Variants in OR2L13 observed in about 807,000 individuals in gnomAD.
The protein encoded by OR2L13 is olfactory receptor family 2 subfamily L member 13, also known as olfactory receptor 2L13.
Under a neutral mutation model 15.3 loss-of-function variants are expected in OR2L13, and 14 were observed. That is an observed-to-expected ratio of 0.91 (90% CI 0.60 to 1.43). OR2L13 has a LOEUF of 1.43. Among genes scored for constraint, OR2L13 ranks in the 40% most tolerant of loss-of-function variants. The pLI, the probability that OR2L13 is intolerant of heterozygous loss-of-function variation, is 0.00. For synonymous variants in OR2L13, 152 were observed against 142.9 expected (o/e 1.06, Z -0.45); for missense variants, 367 against 387.9 (o/e 0.95, Z 0.45).
the OR2L13 span, among the ~76,000 whole-genome samples, chr1:248,046,370 A>T: frequency 6.6e-6 from 1 of 152,202 alleles, no homozygotes; most frequent in South Asian, 2.1e-4. Flanking sequence ...TCTTACTGCC[A>T]ATATAAACCA....
the OR2L13 span, among the ~76,000 whole-genome samples, chr1:248,071,178 G>A: frequency 1.3e-5 from 2 of 152,140 alleles, no homozygotes; most frequent in African/African-American, 2.4e-5. Flanking sequence ...AACCGAAAAA[G>A]AGAATTTTAG....
chr1:248,067,792 G>T, the OR2L13 span, among the ~76,000 whole-genome samples: 1 of 152,218 alleles, frequency 6.6e-6, no homozygotes, highest in Admixed American at 6.5e-5. Flanking sequence ...ACTCCCACCC[G>T]AATACTGCGC....
chr1:247,963,292 C>G, the OR2L13 span, among the ~76,000 whole-genome samples: 1 of 152,092 alleles, frequency 6.6e-6, no homozygotes, highest in African/African-American at 2.4e-5. Flanking sequence ...TATAGGGTAA[C>G]TTCTGGACTT....
the OR2L13 span, among the ~76,000 whole-genome samples, chr1:247,960,344 A>G: frequency 1.3e-5 from 2 of 152,032 alleles, no homozygotes; most frequent in African/African-American, 4.8e-5. Flanking sequence ...GTGTCAGTCC[A>G]CCCCTACTGG....
At chr1:248,077,197 T>G in the OR2L13 span, among the ~76,000 whole-genome samples, 14 of 152,342 alleles carry the variant, frequency 9.2e-5, no homozygotes, top group South Asian at 2.7e-3. Flanking sequence ...GAAGCCCACT[T>G]GATCATGGTG....
the OR2L13 span, among the ~76,000 whole-genome samples, chr1:247,937,874 A>G: frequency 6.6e-6 from 1 of 152,250 alleles, no homozygotes; most frequent in East Asian, 1.9e-4. Context: ...ATGAAGATAT[A>G]TATGAAACTT....
At chr1:248,021,417 C>T in the OR2L13 span, among the ~76,000 whole-genome samples, 4 of 152,092 alleles carry the variant, frequency 2.6e-5, no homozygotes, top group African/African-American at 9.7e-5. Flanking sequence ...CCCTCTTATC[C>T]ACTGTTTTGC....
At chr1:248,008,236 C>T in the OR2L13 span, among the ~76,000 whole-genome samples, 5 of 152,146 alleles carry the variant, frequency 3.3e-5, no homozygotes, top group African/African-American at 7.2e-5. Flanking sequence ...ACTAGCTTTA[C>T]ACCCCCATAT....
chr1:248,058,803 C>T, the OR2L13 span, among the ~76,000 whole-genome samples: 1 of 152,026 alleles, frequency 6.6e-6, no homozygotes, highest in Admixed American at 6.5e-5. Flanking sequence ...TCCTTAAGCA[C>T]ATATTGTTCC....
At chr1:248,079,098 A>G in the OR2L13 span, among the ~76,000 whole-genome samples, 144 of 152,208 alleles carry the variant, frequency 9.5e-4, no homozygotes, top group African/African-American at 3.4e-3. Flanking sequence ...TAAAAATTTC[A>G]TTGAATTTTA....
At chr1:247,966,445 T>A in the OR2L13 span, 1 of 1,149,902 alleles carries the variant, frequency 8.7e-7, no homozygotes, top group Non-Finnish European at 1.2e-6. Context: ...CAATCTTGTT[T>A]AACTTGTAAA....
At chr1:248,063,186 T>A in the OR2L13 span, 1 of 152,250 alleles carries the variant, frequency 6.6e-6, no homozygotes. Context: ...TTTGGTTATT[T>A]AAATAATATT....
the OR2L13 span, chr1:248,087,350 T>C: frequency 2.6e-5 from 4 of 152,216 alleles, no homozygotes; most frequent in Non-Finnish European, 5.9e-5. Context: ...ATTTAATTTG[T>C]GTGATTTGTG....
At chr1:248,006,611 T>C in the OR2L13 span, among the ~76,000 whole-genome samples, 18 of 152,208 alleles carry the variant, frequency 1.2e-4, no homozygotes, top group East Asian at 3.5e-3. Flanking sequence ...TGAGTGTTTG[T>C]ATACTCCCCA....
chr1:247,965,701 G>A, the OR2L13 span: 2 of 1,555,540 alleles, frequency 1.3e-6, no homozygotes, highest in Admixed American at 2.0e-5. Flanking sequence ...GGCCCTTGGT[G>A]GAACTGAAGC....
At chr1:247,968,320 C>T in the OR2L13 span, among the ~76,000 whole-genome samples, 4 of 151,854 alleles carry the variant, frequency 2.6e-5, no homozygotes, top group African/African-American at 9.7e-5. Flanking sequence ...GGAAGAATAC[C>T]TTTTGGGACA....
chr1:247,952,694 G>C, the OR2L13 span, among the ~76,000 whole-genome samples: 1 of 152,168 alleles, frequency 6.6e-6, no homozygotes, highest in Middle Eastern at 3.2e-3. Flanking sequence ...GTCTAAGAAT[G>C]TCTGCTGTTT....
At chr1:248,024,844 G>T in the OR2L13 span, among the ~76,000 whole-genome samples, 24 of 152,100 alleles carry the variant, frequency 1.6e-4, no homozygotes, top group Non-Finnish European at 2.8e-4. Context: ...GTAGTGTGAT[G>T]CCCCCAGCTT....
the OR2L13 span, among the ~76,000 whole-genome samples, chr1:248,089,922 C>A: frequency 6.6e-6 from 1 of 152,190 alleles, no homozygotes; most frequent in African/African-American, 2.4e-5. Flanking sequence ...ATTTTTGAAT[C>A]TCCCTATGAT....
Sources: gnomAD v4.1 joint callset for allele counts (sites outside exome capture counted in the v4.1 genomes callset) on GRCh38, gnomAD v4.1.1 for gene constraint, MANE v1.5 for transcripts, NCBI Gene and HGNC (gene_info 2026-07-23, HGNC 2026-07-21) for gene names.